PCDH15: variants seen among roughly 807,000 people sequenced by gnomAD.
PCDH15 encodes the protein protocadherin-15.
In PCDH15, 129 loss-of-function variants were observed where a neutral mutation model predicts 178.5. The observed-to-expected ratio is 0.72, with a 90% confidence interval of 0.63 to 0.84. The LOEUF (loss-of-function observed/expected upper bound fraction) is 0.84, where lower values mean the gene tolerates loss of function less well. PCDH15 is among the 40% of genes least tolerant of loss of function. The pLI is 0.00. For synonymous variants in PCDH15, 800 were observed against 732.0 expected (o/e 1.09, Z -1.50); for missense variants, 2,230 against 2,099.9 (o/e 1.06, Z -1.21).
chr10:54,409,560 C>T (rs1032060227), intron 3 of PCDH15, among the ~76,000 whole-genome samples: 38 of 152,152 alleles, frequency 2.5e-4, no homozygotes, highest in African/African-American at 7.7e-4. Context: ...ACATTATCAA[C>T]CTCTTACCCA....
intron 2 of PCDH15, among the ~76,000 whole-genome samples, chr10:54,561,850 T>C (rs2088207805): frequency 6.6e-6 from 1 of 151,570 alleles, no homozygotes; most frequent in South Asian, 2.1e-4. Context: ...ATTATTATTA[T>C]TATTTCTATT....
At chr10:55,092,109 T>C (rs368380025) in intron 2 of PCDH15, among the ~76,000 whole-genome samples, 37 of 152,010 alleles carry the variant, frequency 2.4e-4, no homozygotes, top group African/African-American at 7.7e-4. Flanking sequence ...AAAGCTCAGG[T>C]ACTAAAATTT....
chr10:53,950,356 T>C (rs2086915139), intron 23 of PCDH15, among the ~76,000 whole-genome samples: 1 of 152,086 alleles, frequency 6.6e-6, no homozygotes, highest in Non-Finnish European at 1.5e-5. Context: ...CTTGCAAATA[T>C]ACAAATCTTA....
chr10:54,725,446 G>T (rs1293607895), intron 1 of PCDH15, among the ~76,000 whole-genome samples: 1 of 147,028 alleles, frequency 6.8e-6, no homozygotes, highest in Non-Finnish European at 1.5e-5. Flanking sequence ...GGAGACCAAG[G>T]TGGAAGGATC....
intron 2 of PCDH15, among the ~76,000 whole-genome samples, chr10:55,043,215 A>C (rs1840912054): frequency 6.6e-6 from 1 of 152,016 alleles, no homozygotes; most frequent in African/African-American, 2.4e-5. Context: ...AAATTTCCAT[A>C]ACCCTCCTCT....
intron 2 of PCDH15, among the ~76,000 whole-genome samples, chr10:55,437,420 T>C (rs1839067678): frequency 6.6e-6 from 1 of 152,122 alleles, no homozygotes; most frequent in Non-Finnish European, 1.5e-5. Flanking sequence ...GAAGAATAGT[T>C]ACAAGGAAGC....
At chr10:54,524,670 T>C (rs1017674943) in intron 3 of PCDH15, among the ~76,000 whole-genome samples, 2 of 152,208 alleles carry the variant, frequency 1.3e-5, no homozygotes, top group African/African-American at 4.8e-5. Context: ...TAATTAAACA[T>C]AGATAATGTG....
intron 2 of PCDH15, among the ~76,000 whole-genome samples, chr10:54,654,338 T>C (rs1315866384): frequency 1.3e-5 from 2 of 151,974 alleles, no homozygotes; most frequent in Non-Finnish European, 2.9e-5. Flanking sequence ...AATTTCAAAA[T>C]CAGACAAAAG....
Position 55,438,623 on chromosome 10 carries a change from A to T in PCDH15, c.-156+189002T>A, listed in dbSNP as rs530546999. 5.9e-5 allele frequency among the ~76,000 whole-genome samples: 9 copies of T among 152,224 alleles called. No homozygotes were observed. In the South Asian group the frequency reaches 1.9e-3, roughly 32 times the overall value. On this transcript the variant is annotated intron_variant, in intron 2 of 5. Coordinates refer to the PCDH15 transcript ENST00000613346. ...AAAATACAGGAAAAATGTAGAAGAG[A>T]TGCCTGAGCACAAATAGAAACAATT...
chr10:54,833,034 T>A (rs1184244127), intron 3 of PCDH15, among the ~76,000 whole-genome samples: 2 of 152,150 alleles, frequency 1.3e-5, no homozygotes, highest in Non-Finnish European at 2.9e-5. Context: ...AAGCAAAATA[T>A]ATTATTTATT....
In PCDH15 at chr10:54,687,621, T is replaced by G. The variant is rs116953429; in HGVS notation, c.-28-23331A>C. On this transcript the variant is annotated intron_variant, in intron 1 of 37. Coordinates refer to ENST00000644397, the MANE Select transcript of PCDH15 (RefSeq NM_001384140.1). Reference sequence around the variant, plus strand: ...TCAGCTTAGGAAAAAAGCTTCAATATCTTATGACACTGGACTCCATTCAGC... The same window carrying G: ...TCAGCTTAGGAAAAAAGCTTCAATAGCTTATGACACTGGACTCCATTCAGC... 1.2e-4 allele frequency among the ~76,000 whole-genome samples: 18 copies of G among 152,222 alleles called. No individual in the cohort carries two copies. The East Asian group carries it at 3.3e-3, about 28-fold the overall frequency.
intron 2 of PCDH15, among the ~76,000 whole-genome samples, chr10:55,590,954 TCA>T (rs1301187431): frequency 1.3e-5 from 2 of 152,136 alleles, no homozygotes; most frequent in Admixed American, 6.5e-5. Flanking sequence ...TTCTTAATGC[TCA>T]GTTTGTACCT....
At chr10:54,356,849 G>A (rs1945073877) in intron 5 of PCDH15, among the ~76,000 whole-genome samples, 2 of 152,074 alleles carry the variant, frequency 1.3e-5, no homozygotes, top group Admixed American at 6.6e-5. Flanking sequence ...TGCAAGGCTG[G>A]TTCAATATAC....
intron 2 of PCDH15, among the ~76,000 whole-genome samples, chr10:55,048,755 A>G (rs746029283): frequency 1.3e-5 from 2 of 151,960 alleles, no homozygotes; most frequent in Non-Finnish European, 2.9e-5. Flanking sequence ...TAAACCTAGA[A>G]ATGATATTTA....
chr10:54,628,479 T>C (rs2134626973), intron 2 of PCDH15, among the ~76,000 whole-genome samples: 1 of 152,310 alleles, frequency 6.6e-6, no homozygotes, highest in African/African-American at 2.4e-5. Flanking sequence ...CTACAGGTCT[T>C]TAGTTAAAAG....
chr10:54,701,778 A>G (rs1318786328), intron 1 of PCDH15, among the ~76,000 whole-genome samples: 1 of 152,166 alleles, frequency 6.6e-6, no homozygotes, highest in Non-Finnish European at 1.5e-5. Context: ...ATACATGCCC[A>G]ACACAGGGGC....
chr10:55,099,601 A>T (rs189002181), intron 2 of PCDH15, among the ~76,000 whole-genome samples: 47 of 152,224 alleles, frequency 3.1e-4, no homozygotes, highest in Admixed American at 2.9e-3. Flanking sequence ...GCAGGTAAAA[A>T]TTAGAACATT....
At chr10:55,096,396 T>C (rs1842451392) in intron 2 of PCDH15, among the ~76,000 whole-genome samples, 1 of 152,122 alleles carries the variant, frequency 6.6e-6, no homozygotes. Context: ...CTGTACAACA[T>C]GATGTTTTGA....
intron 1 of PCDH15, among the ~76,000 whole-genome samples, chr10:55,180,144 A>G (rs764848828): frequency 6.6e-6 from 1 of 152,058 alleles, no homozygotes; most frequent in Non-Finnish European, 1.5e-5. Context: ...AAGAACTCTG[A>G]GAAGTTGGAG....
Sources: gnomAD v4.1 joint callset for allele counts (sites outside exome capture counted in the v4.1 genomes callset) on GRCh38, gnomAD v4.1.1 for gene constraint, MANE v1.5 for transcripts, NCBI Gene and HGNC (gene_info 2026-07-23, HGNC 2026-07-21) for gene names.